The following ZNF521 variants were observed in gnomAD, a reference collection of about 807,000 sequenced individuals.
The protein encoded by ZNF521 is LYST-interacting protein 3.
In ZNF521, 14 loss-of-function variants were observed where a neutral mutation model predicts 105.5. The ratio of observed to expected loss-of-function variants is 0.13; its 90% CI spans 0.09 to 0.21. The LOEUF is 0.21. Among genes scored for constraint, ZNF521 ranks in the 10% least tolerant of loss-of-function variants. The probability of loss-of-function intolerance (pLI) is 1.00; values close to 1 mark genes in which losing one functional copy is unlikely to be tolerated. For missense variants in ZNF521, 1,233 were observed against 1,629.7 expected, an observed-to-expected ratio of 0.76 and a Z score of 4.19; for synonymous variants, 635 against 606.0, an observed-to-expected ratio of 1.05 and a Z score of -0.70.
chr18:25,091,836 T>TTAC (rs2033753949), intron 6 of ZNF521, 114 bp downstream of exon 6: 13 of 1,304,228 alleles, frequency 1.0e-5, no homozygotes, highest in Non-Finnish European at 1.0e-5. Flanking sequence ...TCCCCCCAAA[T>TTAC]TGAACTGAAG....
At chr18:25,100,709 A>G (rs1314973764) in intron 5 of ZNF521, among the ~76,000 whole-genome samples, 1 of 152,210 alleles carries the variant, frequency 6.6e-6, no homozygotes, top group African/African-American at 2.4e-5. Context: ...TGGCACAATA[A>G]ACGCAATAAG....
At chr18:25,074,054 A>G (rs56230626) in intron 7 of ZNF521, among the ~76,000 whole-genome samples, 20,519 of 144,838 alleles carry the variant, frequency 0.14, 1,557 homozygotes, top group Middle Eastern at 0.19. Context: ...GTCTGTGCAC[A>G]TGTGTGCGCA....
At chr18:25,287,389 G>A (rs185920598) in intron 3 of ZNF521, among the ~76,000 whole-genome samples, 7 of 152,312 alleles carry the variant, frequency 4.6e-5, no homozygotes, top group African/African-American at 1.7e-4. Flanking sequence ...TTACAGGACT[G>A]TCAGAGGAGT....
At chr18:25,279,664 G>A (rs1910245853) in intron 3 of ZNF521, among the ~76,000 whole-genome samples, 1 of 152,094 alleles carries the variant, frequency 6.6e-6, no homozygotes. Flanking sequence ...GCCGTGATGT[G>A]GAATGTAAAT....
chr18:25,331,512 A>G (rs971679348), intron 2 of ZNF521, among the ~76,000 whole-genome samples: 9 of 152,178 alleles, frequency 5.9e-5, no homozygotes, highest in South Asian at 2.1e-4. Context: ...TCTTTACTAA[A>G]TAAGTCTATG....
intron 5 of ZNF521, among the ~76,000 whole-genome samples, chr18:25,102,060 C>A (rs1290576375): frequency 6.6e-6 from 1 of 152,066 alleles, no homozygotes; most frequent in Non-Finnish European, 1.5e-5. Context: ...TGTCTTCTTC[C>A]AGACTATATT....
At chr18:25,168,529 C>G (rs2035389703) in intron 5 of ZNF521, among the ~76,000 whole-genome samples, 1 of 152,230 alleles carries the variant, frequency 6.6e-6, no homozygotes, top group Non-Finnish European at 1.5e-5. Flanking sequence ...GACTTCCCAA[C>G]AAAAAGCAGT....
At chr18:25,306,397 G>A (rs1211958125) in intron 3 of ZNF521, among the ~76,000 whole-genome samples, 1 of 152,042 alleles carries the variant, frequency 6.6e-6, no homozygotes, top group East Asian at 1.9e-4. Context: ...TTTTTTGGGG[G>A]GGAAAGGTGG....
intron 4 of ZNF521, among the ~76,000 whole-genome samples, chr18:25,212,620 A>G (rs2036213097): frequency 6.9e-6 from 1 of 144,670 alleles, no homozygotes; most frequent in Admixed American, 7.0e-5. Flanking sequence ...AATAGCACTA[A>G]ATCTATAGAT....
At chr18:25,136,331 G>A (rs1567977526) in intron 5 of ZNF521, among the ~76,000 whole-genome samples, 1 of 152,092 alleles carries the variant, frequency 6.6e-6, no homozygotes, top group South Asian at 2.1e-4. Flanking sequence ...AGATCACCTA[G>A]TTCAACTCTT....
intron 3 of ZNF521, among the ~76,000 whole-genome samples, chr18:25,296,281 G>A (rs1210234187): frequency 6.6e-6 from 1 of 152,138 alleles, no homozygotes; most frequent in Non-Finnish European, 1.5e-5. Flanking sequence ...TCAAAAAGAA[G>A]TTATTGTCAT....
chr18:25,175,352 G>A (rs184569546), intron 5 of ZNF521, among the ~76,000 whole-genome samples: 7 of 152,270 alleles, frequency 4.6e-5, no homozygotes, highest in Non-Finnish European at 1.0e-4. Flanking sequence ...CAGTATCACA[G>A]CATGGCAAAA....
At chr18:25,075,415 T>G (rs1466329645) in intron 7 of ZNF521, among the ~76,000 whole-genome samples, 1 of 152,228 alleles carries the variant, frequency 6.6e-6, no homozygotes, top group Admixed American at 6.5e-5. Context: ...CGTGCAACTT[T>G]CCTTCACCAA....
intron 3 of ZNF521, among the ~76,000 whole-genome samples, chr18:25,275,425 C>T (rs988189520): frequency 5.9e-5 from 9 of 152,102 alleles, no homozygotes; most frequent in Admixed American, 6.5e-5. Context: ...CAAATGAAAA[C>T]GAATGTACAG....
At chr18:25,103,538 G>A (rs982232614) in intron 5 of ZNF521, among the ~76,000 whole-genome samples, 3 of 152,050 alleles carry the variant, frequency 2.0e-5, no homozygotes, top group Admixed American at 6.6e-5. Flanking sequence ...CCATACTTAC[G>A]TATGGAAAAT....
intron 5 of ZNF521, among the ~76,000 whole-genome samples, chr18:25,159,923 TATTCTAC>T (rs2035220093): frequency 6.6e-6 from 1 of 152,182 alleles, no homozygotes; most frequent in Non-Finnish European, 1.5e-5. Flanking sequence ...CAGTGCAAGG[TATTCTAC>T]AAATGACAGC....
intron 4 of ZNF521, among the ~76,000 whole-genome samples, chr18:25,198,640 G>A (rs2035941284): frequency 6.6e-6 from 1 of 151,852 alleles, no homozygotes; most frequent in South Asian, 2.1e-4. Context: ...TTGTTACCAT[G>A]TGAGGTGACT....
intron 3 of ZNF521, among the ~76,000 whole-genome samples, chr18:25,262,109 CACTT>C (rs1415102111): frequency 6.6e-6 from 1 of 152,128 alleles, no homozygotes; most frequent in African/African-American, 2.4e-5. Context: ...AGGAAACAAT[CACTT>C]ACGTCCCTTT....
intron 2 of ZNF521, among the ~76,000 whole-genome samples, chr18:25,349,074 G>C (rs1279255292): frequency 1.3e-5 from 2 of 151,184 alleles, no homozygotes; most frequent in East Asian, 3.9e-4. Flanking sequence ...TTTTTGAAAA[G>C]AAAAATCCCT....
Sources: allele counts gnomAD v4.1 joint callset (sites outside exome capture counted in the v4.1 genomes callset), GRCh38; gene constraint gnomAD v4.1.1; transcripts MANE v1.5; gene names NCBI Gene and HGNC (gene_info 2026-07-23, HGNC 2026-07-21).